NBPF12: variants seen among roughly 807,000 people sequenced by gnomAD.
The protein encoded by NBPF12 is NBPF member 12.
In NBPF12, 115 loss-of-function variants were observed where a neutral mutation model predicts 146.4. The observed-to-expected ratio is 0.79, with a 90% CI of 0.68 to 0.92. The LOEUF is 0.92. Among genes scored for constraint, NBPF12 ranks in the 40% least tolerant of loss-of-function variants. NBPF12 has a pLI of 0.00. For synonymous variants in NBPF12, 385 were observed against 508.9 expected (o/e 0.76, Z 3.28); for missense variants, 1,205 against 1,326.8 (o/e 0.91, Z 1.43).
exon 34 of NBPF12, chr1:146,995,521 T>C (rs1658489355): frequency 6.6e-6 from 1 of 151,502 alleles, no homozygotes; most frequent in Non-Finnish European, 1.5e-5. Flanking sequence ...ACCCCAAATA[T>C]TTCCTCATCT....
rs1444837860 is a variant in NBPF12 at position 146,958,382 on chromosome 1, ATTAAC to A, written c.-183-1472_-183-1468del. On this transcript the variant is annotated intron_variant, in intron 2 of 33. Coordinates refer to ENST00000617844, the Ensembl canonical transcript of NBPF12. ...TAACCACTCTCCATCATATATTGAA[ATTAAC>A]TTAAGATGTGAAAGTTAAAATTAGA... 3.0e-5 allele frequency among the ~76,000 whole-genome samples: 4 copies of A among 131,616 alleles called. 1 individual carries two copies. The highest frequency in any genetic ancestry group is 5.0e-5 in the Non-Finnish European group (3 of 59,962). The allele number at this position is 131,616 out of a possible 152,430, so 86.3% of individuals were successfully genotyped here. A position where few individuals can be genotyped will look rare whatever the true frequency, so the allele number is the denominator to read the frequency against.
At chr1:146,941,337 G>A (rs1368315981) in intron 1 of NBPF12, among the ~76,000 whole-genome samples, 7 of 151,938 alleles carry the variant, frequency 4.6e-5, no homozygotes, top group Admixed American at 1.3e-4. Context: ...CACCTGCCTC[G>A]GCCTCCCAAA....
intron 16 of NBPF12, among the ~76,000 whole-genome samples, chr1:146,976,289 T>G (rs1657010240): frequency 6.7e-6 from 1 of 150,302 alleles, no homozygotes; most frequent in East Asian, 2.0e-4. Context: ...TTCCTGAGTT[T>G]CTCTCTCTCC....
At chr1:146,940,145 A>G (rs1418370918) in intron 1 of NBPF12, among the ~76,000 whole-genome samples, 4 of 152,104 alleles carry the variant, frequency 2.6e-5, no homozygotes, top group Non-Finnish European at 5.9e-5. Flanking sequence ...TTATGCATTA[A>G]TAGCTTTCTT....
chr1:146,994,490 C>T lies in NBPF12; in HGVS notation c.4289C>T (p.Ala1430Val), dbSNP rs587683629. 3.5e-5 allele frequency: 57 copies of T among 1,609,032 alleles called. 1 individual carries two copies. In the African/African-American group the frequency reaches 6.0e-4, roughly 17 times the overall value. The stretch of plus-strand genomic sequence containing the variant: ...TTTGAGGAACAGCACATCACCTTTG[C>T]CCTTGACATGGACAATAGCTTTTTT... Residue 1430 changes from alanine to valine, a missense_variant, in exon 34 of 34, where the codon GCC becomes GTC. Physicochemically the swap from Ala to Val is moderately conservative, Grantham distance 64. Transcript: ENST00000617844.
intron 5 of NBPF12, among the ~76,000 whole-genome samples, chr1:146,962,879 A>T (rs1337379356): frequency 2.0e-5 from 3 of 151,532 alleles, no homozygotes; most frequent in Admixed American, 2.0e-4. Context: ...TGAATGGAAC[A>T]TCATCGAGGA....
chr1:146,953,040 AG>A (rs1314701960), intron 2 of NBPF12, among the ~76,000 whole-genome samples: 1 of 151,024 alleles, frequency 6.6e-6, no homozygotes, highest in East Asian at 2.0e-4. Flanking sequence ...GTGCCTGTAA[AG>A]GTCCTGTGGC....
chr1:146,994,256 T>A (rs1353187776), intron 33 of NBPF12, 76 bp from the exon 37 acceptor site: 1 of 1,610,390 alleles, frequency 6.2e-7, no homozygotes. Flanking sequence ...TTCCTTATGT[T>A]ACTTCTGAAA....
At chr1:146,949,946 G>A (rs1331662969) in intron 1 of NBPF12, among the ~76,000 whole-genome samples, 2 of 151,884 alleles carry the variant, frequency 1.3e-5, no homozygotes, top group African/African-American at 4.9e-5. Flanking sequence ...TGTCATGTGT[G>A]GAGTGATGTG....
In NBPF12 at chr1:146,962,367, G is replaced by A. The variant is rs1570840144; in HGVS notation, c.278+104G>A. On this transcript the variant is annotated intron_variant, in intron 5 of 33. Transcript: ENST00000617844. Reference sequence around the variant, plus strand: ...AGAACGAAGCTGGGCCAGGGAAAGGGCAGAAATTGCCATGGCAGGCTCATG... The same window carrying A: ...AGAACGAAGCTGGGCCAGGGAAAGGACAGAAATTGCCATGGCAGGCTCATG... 22 of 928,954 alleles carry A rather than the reference G, an allele frequency of 2.4e-5. No individual in the cohort carries two copies. The East Asian group carries it at 5.0e-4, about 21-fold the overall frequency. The allele number at this position is 928,954 out of a possible 1,614,324, so 57.5% of individuals were successfully genotyped here. A position where few individuals can be genotyped will look rare whatever the true frequency, so the allele number is the denominator to read the frequency against.
chr1:146,956,257 A>G (rs1197577976), intron 2 of NBPF12, among the ~76,000 whole-genome samples: 1 of 152,014 alleles, frequency 6.6e-6, no homozygotes, highest in East Asian at 1.9e-4. Context: ...GAAGGCAGAC[A>G]CAAAAGAACA....
chr1:146,992,462 CTGTGTGTGTGTGTG>C (rs1163182082), intron 31 of NBPF12, among the ~76,000 whole-genome samples: 42 of 66,244 alleles, frequency 6.3e-4, no homozygotes, highest in Non-Finnish European at 7.2e-4. Context: ...CTCTCTCTCT[CTGTGTGTGTGTGTG>C]TGTGTGTGTG....
In NBPF12 at chr1:146,967,879, A is replaced by G. The variant is rs1656307033; in HGVS notation, c.989-569A>G. On this transcript the variant is annotated intron_variant, in intron 9 of 33. Coordinates refer to ENST00000617844, the Ensembl canonical transcript of NBPF12. ...TTTCTAAATTAACAGAAACTTCATT[A>G]GCATTTGGGCATAGGATTTCCTTCA... Among the ~76,000 whole-genome samples the G allele has an allele frequency of 4.6e-5, 6 of 131,056 alleles. 1 individual carries two copies. Among genetic ancestry groups the G allele is most frequent in the African/African-American group, 1.8e-4 (6 of 32,556 alleles). 86.0% of individuals were successfully genotyped at this position (131,056 alleles called of 152,430 possible).
At chr1:146,971,651 A>T (rs1426746592) in intron 13 of NBPF12, among the ~76,000 whole-genome samples, 5 of 149,916 alleles carry the variant, frequency 3.3e-5, no homozygotes, top group African/African-American at 1.3e-4. Flanking sequence ...TTAGGCAGTC[A>T]TGGTGCTGCG....
chr1:146,992,462 C>CTGTGTG (rs1163182082), intron 31 of NBPF12, among the ~76,000 whole-genome samples: 45 of 66,272 alleles, frequency 6.8e-4, no homozygotes, highest in Middle Eastern at 6.8e-3. Flanking sequence ...CTCTCTCTCT[C>CTGTGTG]TGTGTGTGTG....
chr1:146,977,198 C>T (rs1397167799), intron 17 of NBPF12, among the ~76,000 whole-genome samples, 197 bp downstream of exon 20: 1 of 142,218 alleles, frequency 7.0e-6, no homozygotes, highest in African/African-American at 2.7e-5. Context: ...ATGTCTGCAC[C>T]GTACAGGGAT....
chr1:146,982,513 A>T (rs1657458517), intron 19 of NBPF12, among the ~76,000 whole-genome samples: 4 of 151,828 alleles, frequency 2.6e-5, no homozygotes. Flanking sequence ...ATATCAAAAT[A>T]TTGGGAAAAT....
chr1:146,963,162 G>A (rs1328261193), exon 6 of NBPF12: 11 of 1,609,284 alleles, frequency 6.8e-6, no homozygotes, highest in Non-Finnish European at 5.1e-6. Context: ...GTTACGGGAA[G>A]GGAGAGATGC....
At chr1:146,987,755 G>GTGTGTGTGTGTGTGTGTGTC (rs1657879866) in intron 25 of NBPF12, among the ~76,000 whole-genome samples, 199 bp from the exon 29 acceptor site, 7 of 151,706 alleles carry the variant, frequency 4.6e-5, no homozygotes, top group African/African-American at 1.7e-4. Flanking sequence ...GTGTGTGTGT[G>GTGTGTGTGTGTGTGTGTGTC]TGTGTCTGTC....
Sources: allele counts gnomAD v4.1 joint callset (sites outside exome capture counted in the v4.1 genomes callset), GRCh38; gene constraint gnomAD v4.1.1; transcripts MANE v1.5; gene names NCBI Gene and HGNC (gene_info 2026-07-23, HGNC 2026-07-21).